The following PCCA variants were observed in gnomAD, a reference collection of about 807,000 sequenced individuals.
PCCA encodes the protein propionyl-CoA carboxylase alpha chain, mitochondrial.
In PCCA, 74 loss-of-function variants were observed where a neutral mutation model predicts 101.3. The observed-to-expected ratio is 0.73, with a 90% CI of 0.61 to 0.89. PCCA has a LOEUF of 0.89. Ranked by LOEUF, PCCA falls within the 40% of genes least tolerant of loss-of-function variation. The pLI is 0.00. For missense variants in PCCA, 891 were observed against 907.0 expected (o/e 0.98, Z 0.23); for synonymous variants, 294 against 313.6 (o/e 0.94, Z 0.66).
Position 100,273,189 on chromosome 13 carries a change from T to C in PCCA, c.915-7T>C, listed in dbSNP as rs1402341909. On this transcript the variant is annotated splice_polypyrimidine_tract_variant and splice_region_variant and intron_variant, in intron 11 of 23. Transcript: ENST00000376285. ...AAATGTAGACAAACATTTTTTTGTA[T>C]ATGTAGCATTTTTTTGGATGCGGAG... is the stretch of plus-strand genomic sequence containing the variant. 1 of 1,609,830 alleles carries C rather than the reference T, an allele frequency of 6.2e-7. No homozygotes were observed. Among genetic ancestry groups the C allele is most frequent in the Non-Finnish European group, 8.5e-7 (1 of 1,176,250 alleles).
chr13:100,330,326 C>T (rs1373585618), intron 16 of PCCA, among the ~76,000 whole-genome samples: 2 of 152,184 alleles, frequency 1.3e-5, no homozygotes, highest in Non-Finnish European at 2.9e-5. Context: ...TTGCACCACC[C>T]TAATACAGCC....
At chr13:100,221,427 A>G (rs753424348) in intron 7 of PCCA, among the ~76,000 whole-genome samples, 2 of 152,110 alleles carry the variant, frequency 1.3e-5, no homozygotes, top group Non-Finnish European at 2.9e-5. Context: ...TGGGTAATAC[A>G]CTTGGTTTTG....
At chr13:100,325,562 A>C (rs1193460805) in intron 16 of PCCA, among the ~76,000 whole-genome samples, 2 of 152,178 alleles carry the variant, frequency 1.3e-5, no homozygotes, top group African/African-American at 4.8e-5. Context: ...CACAAGGAAC[A>C]TTTCTTAGTA....
chr13:100,473,672 G>C (rs747593068), intron 21 of PCCA, among the ~76,000 whole-genome samples: 3 of 152,168 alleles, frequency 2.0e-5, no homozygotes, highest in Non-Finnish European at 4.4e-5. Context: ...AAAGGTCGGG[G>C]TCGGTGACCT....
Position 100,202,168 on chromosome 13 carries a change from C to CAAAA in PCCA, c.469-7147_469-7144dup, listed in dbSNP as rs10678691. Among the ~76,000 whole-genome samples the CAAAA allele has an allele frequency of 1.9e-4, 18 of 96,790 alleles. 1 individual carries two copies. Among genetic ancestry groups the CAAAA allele is most frequent in the South Asian group, 3.4e-4 (1 of 2,912 alleles). 63.5% of individuals were successfully genotyped at this position (96,790 alleles called of 152,430 possible). A position where few individuals can be genotyped will look rare whatever the true frequency, so the allele number is the denominator to read the frequency against. ...AACATAGCAAGACTCCATCTCTACC[C>CAAAA]AAAAAAAAAAAAAAAAAAAACTGGG... On this transcript the variant is annotated intron_variant, in intron 6 of 23. Transcript: ENST00000376285.
intron 7 of PCCA, among the ~76,000 whole-genome samples, chr13:100,235,570 G>A (rs770928689): frequency 1.3e-5 from 2 of 152,070 alleles, no homozygotes; most frequent in Non-Finnish European, 2.9e-5. Context: ...ATTAAATTCC[G>A]GCAACTGCAC....
chr13:100,172,787 T>C (rs545724717), intron 6 of PCCA, among the ~76,000 whole-genome samples: 5 of 152,202 alleles, frequency 3.3e-5, no homozygotes, highest in Non-Finnish European at 7.4e-5. Flanking sequence ...ACTAACTCAT[T>C]TGCTCTTCCT....
intron 21 of PCCA, among the ~76,000 whole-genome samples, chr13:100,460,876 C>T (rs1259991162): frequency 2.0e-5 from 3 of 152,126 alleles, no homozygotes; most frequent in Admixed American, 6.5e-5. Context: ...TGAATTGTAT[C>T]AGCTTAGCAG....
intron 19 of PCCA, among the ~76,000 whole-genome samples, chr13:100,388,533 C>G (rs777311644): frequency 1.3e-5 from 2 of 152,210 alleles, no homozygotes; most frequent in African/African-American, 4.8e-5. Flanking sequence ...CAATGGCTCA[C>G]GCCTGTAATC....
intron 4 of PCCA, among the ~76,000 whole-genome samples, chr13:100,116,319 A>G (rs2048793421): frequency 6.6e-6 from 1 of 152,226 alleles, no homozygotes; most frequent in Admixed American, 6.5e-5. Flanking sequence ...TACTGCAACA[A>G]TTGATTGCAA....
At chr13:100,311,885 A>C (rs1402528450) in intron 16 of PCCA, among the ~76,000 whole-genome samples, 1 of 152,238 alleles carries the variant, frequency 6.6e-6, no homozygotes, top group African/African-American at 2.4e-5. Context: ...TGTAATTTCT[A>C]ATACTGTGTG....
intron 12 of PCCA, among the ~76,000 whole-genome samples, chr13:100,294,561 G>A (rs186656015): frequency 2.6e-5 from 4 of 152,040 alleles, no homozygotes; most frequent in East Asian, 1.9e-4. Context: ...ACTTGACACC[G>A]GTTAGTCTAT....
chr13:100,417,031 C>T (rs575845468), intron 19 of PCCA, among the ~76,000 whole-genome samples: 6 of 151,878 alleles, frequency 4.0e-5, no homozygotes, highest in South Asian at 2.1e-4. Context: ...TTAGTAGAGA[C>T]GGGGTTTCTC....
intron 6 of PCCA, among the ~76,000 whole-genome samples, chr13:100,177,603 T>C (rs1392437632): frequency 6.6e-6 from 1 of 152,176 alleles, no homozygotes; most frequent in Non-Finnish European, 1.5e-5. Context: ...GAGTATCTGT[T>C]TGAATCTTGG....
Position 100,307,088 on chromosome 13 carries a change from A to G in PCCA, c.1285-104A>G, listed in dbSNP as rs2066508749. The G allele has an allele frequency of 3.9e-6, 3 of 770,118 alleles. No individual in the cohort carries two copies. The Admixed American group carries it at 6.3e-5, about 16-fold the overall frequency. 47.7% of individuals were successfully genotyped at this position (770,118 alleles called of 1,614,324 possible). A position where few individuals can be genotyped will look rare whatever the true frequency, so the allele number is the denominator to read the frequency against. On this transcript the variant is annotated intron_variant, in intron 14 of 23. Coordinates refer to ENST00000376285, the MANE Select transcript of PCCA (RefSeq NM_000282.4). ...TCCAGAAGTTGAAATGTTATTTGAG[A>G]TTGAAATTCTCTATCCATTTTCTCC...
chr13:100,181,954 T>TG (rs1185665502), intron 6 of PCCA, among the ~76,000 whole-genome samples: 1 of 142,946 alleles, frequency 7.0e-6, no homozygotes, highest in Non-Finnish European at 1.5e-5. Context: ...TTTGTAGAGA[T>TG]GGGGTCTCGC....
At chr13:100,110,437 G>A (rs1158528119) in intron 2 of PCCA, among the ~76,000 whole-genome samples, 1 of 152,152 alleles carries the variant, frequency 6.6e-6, no homozygotes, top group Non-Finnish European at 1.5e-5. Flanking sequence ...GGCCTACAGA[G>A]ATTGATTTAC....
intron 12 of PCCA, among the ~76,000 whole-genome samples, chr13:100,300,026 T>C (rs1046732724): frequency 6.6e-6 from 1 of 152,270 alleles, no homozygotes; most frequent in Admixed American, 6.5e-5. Context: ...GTTCACCTCT[T>C]GAGTAGAGTG....
intron 16 of PCCA, among the ~76,000 whole-genome samples, chr13:100,329,041 C>T (rs567659927): frequency 5.3e-5 from 8 of 150,410 alleles, no homozygotes; most frequent in East Asian, 2.0e-4. Context: ...GTTCTAGTAC[C>T]ATTTATTGAA....
Sources: gnomAD v4.1 joint callset for allele counts (sites outside exome capture counted in the v4.1 genomes callset) on GRCh38, gnomAD v4.1.1 for gene constraint, MANE v1.5 for transcripts, NCBI Gene and HGNC (gene_info 2026-07-23, HGNC 2026-07-21) for gene names.